The following KIF5C variants were observed in gnomAD, a reference collection of about 807,000 sequenced individuals.
KIF5C encodes the protein kinesin family member 5C.
Under a neutral mutation model 125.2 loss-of-function variants are expected in KIF5C, and 18 were observed. The observed-to-expected ratio is 0.14, with a 90% CI of 0.10 to 0.21. The LOEUF is 0.21. Ranked by LOEUF, KIF5C falls within the 10% of genes least tolerant of loss-of-function variation. The probability of loss-of-function intolerance (pLI) is 1.00; values close to 1 mark genes in which losing one functional copy is unlikely to be tolerated. For synonymous variants in KIF5C, 405 were observed against 434.0 expected (o/e 0.93, Z 0.83); for missense variants, 780 against 1,183.8 (o/e 0.66, Z 5.01).
rs764511357 is a variant in KIF5C at position 148,979,016 on chromosome 2, T to C, written c.1362+26T>C. On this transcript the variant is annotated intron_variant, in intron 13 of 25. Transcript: ENST00000435030. ...GTAAAGAATGCAATATATTTTTTTT[T>C]CCACAAAGTTCTTCTATTACTCTTT... 1.3e-5 allele frequency: 20 copies of C among 1,537,054 alleles called. No individual in the cohort carries two copies. In the East Asian group the frequency reaches 2.1e-4, roughly 17 times the overall value.
intron 10 of KIF5C, among the ~76,000 whole-genome samples, chr2:148,960,183 C>T (rs1055341220): frequency 6.6e-6 from 1 of 152,220 alleles, no homozygotes; most frequent in African/African-American, 2.4e-5. Flanking sequence ...GATAACCTTG[C>T]TGAGTCTGCT....
At chr2:148,937,586 C>G (rs773772474) in intron 4 of KIF5C, among the ~76,000 whole-genome samples, 198 bp downstream of exon 4, 2 of 152,156 alleles carry the variant, frequency 1.3e-5, no homozygotes, top group Non-Finnish European at 2.9e-5. Flanking sequence ...ATAATGAAAG[C>G]AAAAGCCTTC....
Position 148,875,585 on chromosome 2 carries a change from CATCCCCGTGCCCCCTCCCTA to C in KIF5C, c.-32_-13del. The C allele has an allele frequency of 9.8e-7, 1 of 1,023,214 alleles. No individual in the cohort carries two copies. Among genetic ancestry groups the C allele is most frequent in the Non-Finnish European group, 1.5e-6 (1 of 682,304 alleles). 63.4% of individuals were successfully genotyped at this position (1,023,214 alleles called of 1,614,324 possible). A position where few individuals can be genotyped will look rare whatever the true frequency, so the allele number is the denominator to read the frequency against. Reference sequence around the variant, plus strand: ...TCGTTCCCGGCCCCGGCCCCCCACCCATCCCCGTGCCCCCTCCCTACCGCCGGCCGAGATGGCGGATCCAG... The same window carrying C: ...TCGTTCCCGGCCCCGGCCCCCCACCCCCGCCGGCCGAGATGGCGGATCCAG... On this transcript the variant is annotated 5_prime_UTR_variant, in exon 1 of 26. Transcript: ENST00000435030.
At chr2:149,020,529 G>A (rs970407405) in intron 25 of KIF5C, 2 of 152,336 alleles carry the variant, frequency 1.3e-5, no homozygotes, top group Admixed American at 6.5e-5. Flanking sequence ...TTTATGGTCT[G>A]CTGGAGTTAT....
intron 15 of KIF5C, among the ~76,000 whole-genome samples, chr2:148,984,321 C>T (rs988189231): frequency 2.6e-5 from 4 of 152,192 alleles, no homozygotes; most frequent in Non-Finnish European, 5.9e-5. Flanking sequence ...CCACCTCAGA[C>T]CTATTGAATC....
intron 1 of KIF5C, chr2:148,888,155 C>G (rs1681602300): frequency 6.6e-6 from 1 of 152,192 alleles, no homozygotes; most frequent in Admixed American, 6.5e-5. Context: ...CTGGCTGCCC[C>G]GGAAGGGGCC....
At chr2:148,883,005 C>A (rs1681409667) in intron 1 of KIF5C, among the ~76,000 whole-genome samples, 1 of 152,166 alleles carries the variant, frequency 6.6e-6, no homozygotes, top group Admixed American at 6.5e-5. Flanking sequence ...CCTTGGCTGT[C>A]AGAGTTTGGG....
chr2:148,881,778 A>C (rs1436673288), intron 1 of KIF5C, among the ~76,000 whole-genome samples: 3 of 145,590 alleles, frequency 2.1e-5, no homozygotes, highest in Non-Finnish European at 4.4e-5. Flanking sequence ...TTGCATGTGT[A>C]ATCTTACTAA....
At chr2:148,996,219 T>C (rs930343021) in intron 17 of KIF5C, among the ~76,000 whole-genome samples, 4 of 152,256 alleles carry the variant, frequency 2.6e-5, no homozygotes, top group Non-Finnish European at 5.9e-5. Context: ...GTGGTTGTGA[T>C]AGGGTAGTTG....
intron 3 of KIF5C, among the ~76,000 whole-genome samples, chr2:148,934,487 A>AC (rs1370530900): frequency 6.7e-6 from 1 of 150,024 alleles, no homozygotes; most frequent in East Asian, 2.0e-4. Flanking sequence ...ACACAGAGAC[A>AC]CCCCCCACAT....
At chr2:148,960,115 G>A (rs1386489126) in intron 10 of KIF5C, among the ~76,000 whole-genome samples, 2 of 152,168 alleles carry the variant, frequency 1.3e-5, no homozygotes, top group East Asian at 3.9e-4. Context: ...CAGAAGTGGG[G>A]ATTTCCTAGG....
intron 3 of KIF5C, among the ~76,000 whole-genome samples, chr2:148,930,328 C>CTTT (rs375719839): frequency 1.6e-4 from 24 of 146,468 alleles, no homozygotes; most frequent in African/African-American, 5.2e-4. Flanking sequence ...TCCTCTTTTC[C>CTTT]TTTTTTTTTT....
At chr2:148,905,973 A>T (rs1229813511) in intron 1 of KIF5C, among the ~76,000 whole-genome samples, 1 of 152,080 alleles carries the variant, frequency 6.6e-6, no homozygotes, top group Non-Finnish European at 1.5e-5. Context: ...CACAGGAAAG[A>T]CCCACCCCAT....
At chr2:148,976,567 C>T (rs558177189) in intron 12 of KIF5C, among the ~76,000 whole-genome samples, 12 of 151,718 alleles carry the variant, frequency 7.9e-5, no homozygotes, top group African/African-American at 2.7e-4. Flanking sequence ...CACGCCTGGC[C>T]GCATGTTATT....
intron 16 of KIF5C, among the ~76,000 whole-genome samples, chr2:148,991,797 C>T (rs1558936535): frequency 6.6e-6 from 1 of 152,164 alleles, no homozygotes; most frequent in Non-Finnish European, 1.5e-5. Context: ...GTGTGTGAAC[C>T]CAAAACCCAT....
chr2:148,979,236 C>T (rs1207667901), intron 13 of KIF5C, among the ~76,000 whole-genome samples: 1 of 152,168 alleles, frequency 6.6e-6, no homozygotes, highest in Non-Finnish European at 1.5e-5. Flanking sequence ...ACAGTTCGTT[C>T]TGGAAGGGCA....
At chr2:148,932,904 G>A (rs1294365633) in intron 3 of KIF5C, among the ~76,000 whole-genome samples, 1 of 152,104 alleles carries the variant, frequency 6.6e-6, no homozygotes, top group Non-Finnish European at 1.5e-5. Flanking sequence ...AGTCTTGTTT[G>A]GTGGCTGGTG....
chr2:148,902,334 T>G (rs994644686), intron 1 of KIF5C, among the ~76,000 whole-genome samples: 28 of 152,202 alleles, frequency 1.8e-4, no homozygotes, highest in African/African-American at 6.7e-4. Context: ...TTTTTTTTTT[T>G]GAAATAGTGT....
intron 3 of KIF5C, among the ~76,000 whole-genome samples, chr2:148,935,484 T>C (rs1287733481): frequency 6.6e-6 from 1 of 152,226 alleles, no homozygotes; most frequent in African/African-American, 2.4e-5. Flanking sequence ...GTTCTCACCA[T>C]AGGTATTGTT....
Sources: gnomAD v4.1 joint callset for allele counts (sites outside exome capture counted in the v4.1 genomes callset) on GRCh38, gnomAD v4.1.1 for gene constraint, MANE v1.5 for transcripts, NCBI Gene and HGNC (gene_info 2026-07-23, HGNC 2026-07-21) for gene names.